Variants in CDH18 observed in about 807,000 individuals in gnomAD.
CDH18 encodes the protein cadherin-18.
A neutral mutation model predicts 67.9 loss-of-function variants in CDH18; 31 were observed. The ratio of observed to expected loss-of-function variants is 0.46; its 90% CI spans 0.34 to 0.62. The LOEUF is 0.62. CDH18 is among the 20% of genes least tolerant of loss of function. The pLI, the probability that CDH18 is intolerant of heterozygous loss-of-function variation, is 0.01. For missense variants in CDH18, 890 were observed against 975.5 expected (o/e 0.91, Z 1.17); for synonymous variants, 362 against 347.2 (o/e 1.04, Z -0.48).
chr5:19,975,893 T>C (rs1295726807), intron 2 of CDH18, among the ~76,000 whole-genome samples: 2 of 151,870 alleles, frequency 1.3e-5, no homozygotes, highest in African/African-American at 4.8e-5. Flanking sequence ...GTGTTAAAAA[T>C]ACCTTTTTGC....
intron 2 of CDH18, among the ~76,000 whole-genome samples, chr5:19,937,780 A>T (rs1200321943): frequency 6.6e-6 from 1 of 151,080 alleles, no homozygotes; most frequent in African/African-American, 2.4e-5. Flanking sequence ...GAACAAAAAA[A>T]TTTCAGCAGT....
chr5:20,081,085 A>G (rs962590865), intron 2 of CDH18, among the ~76,000 whole-genome samples: 3 of 152,214 alleles, frequency 2.0e-5, no homozygotes, highest in Admixed American at 6.5e-5. Context: ...TCAGGAAATG[A>G]TTAAACAATT....
intron 2 of CDH18, among the ~76,000 whole-genome samples, chr5:20,224,379 T>G (rs1338152312): frequency 6.6e-6 from 1 of 152,098 alleles, no homozygotes; most frequent in Non-Finnish European, 1.5e-5. Flanking sequence ...TTCAGAATAT[T>G]GGACCCTTCT....
chr5:19,669,441 T>A (rs905163866), intron 5 of CDH18, among the ~76,000 whole-genome samples: 25 of 151,700 alleles, frequency 1.6e-4, no homozygotes, highest in Non-Finnish European at 3.7e-4. Flanking sequence ...TACAGGCACA[T>A]GCCACCACAT....
chr5:20,126,805 A>G (rs1748868269), intron 2 of CDH18, among the ~76,000 whole-genome samples: 1 of 152,034 alleles, frequency 6.6e-6, no homozygotes, highest in Admixed American at 6.6e-5. Flanking sequence ...ATCAAAAACT[A>G]AAAAAAACAA....
intron 9 of CDH18, among the ~76,000 whole-genome samples, chr5:19,534,608 A>G (rs932731254): frequency 2.0e-5 from 3 of 152,188 alleles, no homozygotes; most frequent in African/African-American, 7.2e-5. Context: ...TTTAAATTTG[A>G]GAACAAATTC....
At chr5:19,574,581 G>A (rs1741998469) in intron 7 of CDH18, among the ~76,000 whole-genome samples, 1 of 151,868 alleles carries the variant, frequency 6.6e-6, no homozygotes, top group Non-Finnish European at 1.5e-5. Context: ...AGAAATTATT[G>A]TATTATTTGG....
At chr5:19,505,599 T>C (rs1743999789) in intron 10 of CDH18, among the ~76,000 whole-genome samples, 1 of 152,072 alleles carries the variant, frequency 6.6e-6, no homozygotes, top group Non-Finnish European at 1.5e-5. Context: ...TTGTTGGTTC[T>C]GTTTATATGC....
intron 1 of CDH18, among the ~76,000 whole-genome samples, chr5:20,476,966 C>G (rs769344814): frequency 6.6e-6 from 1 of 152,062 alleles, no homozygotes; most frequent in Non-Finnish European, 1.5e-5. Context: ...ACCAAGTAAT[C>G]TTTTACTTTT....
chr5:20,570,509 G>A (rs1758757089), intron 1 of CDH18, among the ~76,000 whole-genome samples: 1 of 152,126 alleles, frequency 6.6e-6, no homozygotes, highest in Non-Finnish European at 1.5e-5. Flanking sequence ...TAACCTATGA[G>A]TGACATTAGT....
chr5:19,517,092 T>C (rs1160915689), intron 10 of CDH18, among the ~76,000 whole-genome samples: 1 of 152,110 alleles, frequency 6.6e-6, no homozygotes, highest in Admixed American at 6.6e-5. Context: ...TTTTACACTT[T>C]CACCAATGAT....
rs554384259 is a variant in CDH18, at chr5:20,105,906, G to A, written c.-517-113892C>T. ...TGGAAAGTATCTCTTTGAGTCTGAG[G>A]GCATTTTTAATTTTTTTTTCCTGCT... is the stretch of plus-strand genomic sequence containing the variant. On this transcript the variant is annotated intron_variant, in intron 2 of 14. Transcript: ENST00000507958. 1.7e-4 allele frequency among the ~76,000 whole-genome samples: 26 copies of A among 152,222 alleles called. 1 individual carries two copies. Among genetic ancestry groups the A allele is most frequent in the African/African-American group, 6.0e-4 (25 of 41,542 alleles).
In CDH18 at chr5:20,251,109, G is replaced by A. The variant is rs2973203; in HGVS notation, c.-518+4335C>T. On this transcript the variant is annotated intron_variant, in intron 2 of 14. Coordinates refer to the CDH18 transcript ENST00000507958. Reference sequence around the variant, plus strand: ...CTGCTATAACCCCTTCTGAAATTGTGCTAAGAAACTTAGCTCTAACATGCA... The same window carrying A: ...CTGCTATAACCCCTTCTGAAATTGTACTAAGAAACTTAGCTCTAACATGCA... Among the ~76,000 whole-genome samples the A allele has an allele frequency of 8.8e-3, 1,342 of 152,178 alleles. 23 individuals are homozygous for A. The highest frequency in any genetic ancestry group is 0.03 in the African/African-American group (1,233 of 41,516).
intron 2 of CDH18, among the ~76,000 whole-genome samples, chr5:20,005,707 C>T (rs1465843293): frequency 6.6e-6 from 1 of 151,770 alleles, no homozygotes; most frequent in Non-Finnish European, 1.5e-5. Flanking sequence ...AAAAGAAAGA[C>T]ACTGATGCAA....
chr5:19,540,367 G>T (rs1203305561), intron 9 of CDH18, among the ~76,000 whole-genome samples: 1 of 152,032 alleles, frequency 6.6e-6, no homozygotes, highest in Non-Finnish European at 1.5e-5. Flanking sequence ...GCTTTTTAAG[G>T]TGTGCAGTGC....
intron 1 of CDH18, among the ~76,000 whole-genome samples, chr5:20,393,258 G>A (rs1028157330): frequency 6.6e-6 from 1 of 151,802 alleles, no homozygotes; most frequent in Non-Finnish European, 1.5e-5. Context: ...CTTTTTCAGT[G>A]GGGACATTTG....
intron 5 of CDH18, among the ~76,000 whole-genome samples, chr5:19,638,977 G>GTTTTTTTTTTTTTTTTTTTTTTTGTTTT (rs1753593072): frequency 1.8e-5 from 1 of 54,686 alleles, no homozygotes; most frequent in Non-Finnish European, 3.7e-5. Context: ...TTTTGTTGCT[G>GTTTTTTTTTTTTTTTTTTTTTTTGTTTT]TTTTTTTTTT....
intron 2 of CDH18, among the ~76,000 whole-genome samples, chr5:20,184,160 A>C (rs2126694472): frequency 6.6e-6 from 1 of 152,208 alleles, no homozygotes; most frequent in South Asian, 2.1e-4. Flanking sequence ...AATCTTCAAA[A>C]ATCATATGAA....
intron 2 of CDH18, among the ~76,000 whole-genome samples, chr5:20,193,562 A>G (rs1371701118): frequency 6.6e-6 from 1 of 151,896 alleles, no homozygotes; most frequent in South Asian, 2.1e-4. Flanking sequence ...TTAAAAGGAG[A>G]GACTCCTCTA....
Sources: allele counts gnomAD v4.1 joint callset (sites outside exome capture counted in the v4.1 genomes callset), GRCh38; gene constraint gnomAD v4.1.1; transcripts MANE v1.5; gene names NCBI Gene and HGNC (gene_info 2026-07-23, HGNC 2026-07-21).